The following TMEM117 variants were observed in gnomAD, a reference collection of about 807,000 sequenced individuals.
TMEM117 encodes transmembrane protein 117.
In TMEM117, 27 loss-of-function variants were observed where a neutral mutation model predicts 52.4. The ratio of observed to expected loss-of-function variants is 0.51; its 90% CI spans 0.38 to 0.71. The LOEUF (loss-of-function observed/expected upper bound fraction) is 0.71, where lower values mean the gene tolerates loss of function less well. TMEM117 is among the 30% of genes least tolerant of loss of function. The pLI, the probability that TMEM117 is intolerant of heterozygous loss-of-function variation, is 0.00. For missense variants in TMEM117, 556 were observed against 630.5 expected, an observed-to-expected ratio of 0.88 and a Z score of 1.26; for synonymous variants, 215 against 206.3, an observed-to-expected ratio of 1.04 and a Z score of -0.36.
At chr12:44,230,300 C>T (rs531126477) in intron 5 of TMEM117, among the ~76,000 whole-genome samples, 15 of 152,108 alleles carry the variant, frequency 9.9e-5, no homozygotes, top group South Asian at 6.2e-4. Flanking sequence ...TTTGAAAATA[C>T]GTACCCAAAA....
At chr12:44,327,680 T>C (rs1308070356) in intron 6 of TMEM117, among the ~76,000 whole-genome samples, 1 of 152,214 alleles carries the variant, frequency 6.6e-6, no homozygotes, top group East Asian at 1.9e-4. Context: ...TCCATGACTT[T>C]TTTTTTCTTA....
chr12:44,398,846 C>T, the TMEM117 span, among the ~76,000 whole-genome samples: 3 of 152,142 alleles, frequency 2.0e-5, no homozygotes, highest in Non-Finnish European at 2.9e-5. Context: ...AAAAGGTAGT[C>T]CTTTCTATAG....
chr12:44,356,209 TATG>T (rs1480590312), intron 6 of TMEM117, among the ~76,000 whole-genome samples: 1 of 152,076 alleles, frequency 6.6e-6, no homozygotes, highest in Non-Finnish European at 1.5e-5. Flanking sequence ...AAAAATCTGA[TATG>T]ATAAGAATGA....
chr12:43,852,304 G>A (rs372728489), intron 2 of TMEM117, among the ~76,000 whole-genome samples: 5 of 152,152 alleles, frequency 3.3e-5, no homozygotes, highest in African/African-American at 4.8e-5. Flanking sequence ...GTTGGTGGGC[G>A]CCTGTAGTCC....
chr12:44,096,963 C>T (rs1028472801), intron 3 of TMEM117, among the ~76,000 whole-genome samples: 3 of 152,074 alleles, frequency 2.0e-5, no homozygotes, highest in African/African-American at 7.2e-5. Context: ...ACAACCTACT[C>T]ATCTGACAAA....
At chr12:43,946,449 C>G (rs953547642) in intron 3 of TMEM117, among the ~76,000 whole-genome samples, 4 of 119,114 alleles carry the variant, frequency 3.4e-5, no homozygotes, top group African/African-American at 1.3e-4. Flanking sequence ...AATGCTTATT[C>G]TGAGGAAGGG....
intron 4 of TMEM117, among the ~76,000 whole-genome samples, chr12:44,179,439 G>C (rs1284019037): frequency 2.0e-5 from 3 of 152,206 alleles, no homozygotes; most frequent in Admixed American, 6.5e-5. Context: ...GAGTCTGCTG[G>C]TGCAAATCCT....
intron 2 of TMEM117, among the ~76,000 whole-genome samples, chr12:43,897,473 C>T (rs1214540408): frequency 1.3e-5 from 2 of 151,770 alleles, no homozygotes. Context: ...CACCATGGCC[C>T]AGCTAATTTT....
At chr12:44,147,661 CG>C (rs1403524535) in intron 4 of TMEM117, among the ~76,000 whole-genome samples, 1 of 151,970 alleles carries the variant, frequency 6.6e-6, no homozygotes, top group Admixed American at 6.6e-5. Flanking sequence ...CTGGGCCGGG[CG>C]CGGTGGCTCA....
At chr12:44,394,485 A>G (rs867943842), downstream of TMEM117, among the ~76,000 whole-genome samples, 14 of 152,202 alleles carry the variant, frequency 9.2e-5, no homozygotes, top group East Asian at 1.9e-4. Context: ...ACAAGCTGCA[A>G]TGTAATCCCT....
chr12:44,264,666 C>T (rs1356688575), intron 5 of TMEM117, among the ~76,000 whole-genome samples: 9 of 151,890 alleles, frequency 5.9e-5, no homozygotes, highest in Non-Finnish European at 1.2e-4. Context: ...GCTCACAGAA[C>T]CATAGAAATC....
chr12:44,264,299 T>C (rs540569267), intron 5 of TMEM117, among the ~76,000 whole-genome samples: 1 of 152,282 alleles, frequency 6.6e-6, no homozygotes, highest in South Asian at 2.1e-4. Context: ...TTTATAACTA[T>C]TACTGAAGCT....
chr12:43,895,682 G>A (rs573920736), intron 2 of TMEM117, among the ~76,000 whole-genome samples: 5 of 152,238 alleles, frequency 3.3e-5, no homozygotes, highest in Admixed American at 1.3e-4. Flanking sequence ...AAATGGTCAA[G>A]GAAACTTTTA....
intron 5 of TMEM117, among the ~76,000 whole-genome samples, chr12:44,295,899 T>C (rs1950762954): frequency 6.6e-6 from 1 of 152,162 alleles, no homozygotes; most frequent in Non-Finnish European, 1.5e-5. Flanking sequence ...TCTAATTCTT[T>C]ATTGTCTGTG....
intron 4 of TMEM117, among the ~76,000 whole-genome samples, chr12:44,145,861 T>C (rs1948635668): frequency 6.6e-6 from 1 of 152,230 alleles, no homozygotes; most frequent in Non-Finnish European, 1.5e-5. Flanking sequence ...GAGCTGAAGT[T>C]TGCAGGCTCA....
chr12:44,001,001 A>C (rs1396359110), intron 3 of TMEM117, among the ~76,000 whole-genome samples: 2 of 152,146 alleles, frequency 1.3e-5, no homozygotes, highest in Admixed American at 1.3e-4. Flanking sequence ...GGGCCCAGAA[A>C]AGCAGATGGA....
At chr12:44,216,005 C>CTTTTTTTTTTTTTTTTTTTTT (rs778425747) in intron 5 of TMEM117, among the ~76,000 whole-genome samples, 8 of 110,802 alleles carry the variant, frequency 7.2e-5, no homozygotes, top group Admixed American at 9.5e-5. Flanking sequence ...TTCTTTCTTT[C>CTTTTTTTTTTTTTTTTTTTTT]TTTTTTTTTT....
In TMEM117 at chr12:44,388,012, C is replaced by A. The variant is rs1216663287; in HGVS notation, c.899-14C>A. 6.3e-7 allele frequency: 1 copy of A among 1,590,760 alleles called. No individual in the cohort carries two copies. The highest frequency in any genetic ancestry group is 8.5e-7 in the Non-Finnish European group (1 of 1,169,738). On this transcript the variant is annotated splice_polypyrimidine_tract_variant and intron_variant, in intron 7 of 7. Transcript: ENST00000266534. ...TGGCCCTTTGATTAATGCAGTATTTCTTTTTTAATGCAGGCAAATGGTTTA... is the reference window on the plus strand; with the variant it reads ...TGGCCCTTTGATTAATGCAGTATTTATTTTTTAATGCAGGCAAATGGTTTA...
chr12:43,995,180 G>T (rs570934296), intron 3 of TMEM117, among the ~76,000 whole-genome samples: 43 of 152,026 alleles, frequency 2.8e-4, no homozygotes, highest in African/African-American at 1.0e-3. Context: ...CTGAGGGAGG[G>T]GAATTGCTTG....
Sources: allele counts gnomAD v4.1 joint callset (sites outside exome capture counted in the v4.1 genomes callset), GRCh38; gene constraint gnomAD v4.1.1; transcripts MANE v1.5; gene names NCBI Gene and HGNC (gene_info 2026-07-23, HGNC 2026-07-21).